Variants in FHIT observed in about 807,000 individuals in gnomAD.
FHIT encodes bis(5'-adenosyl)-triphosphatase.
A neutral mutation model predicts 17.9 loss-of-function variants in FHIT; 19 were observed. That is an observed-to-expected ratio of 1.06 (90% confidence interval 0.74 to 1.56). The LOEUF is 1.56. Among genes scored for constraint, FHIT ranks in the 40% most tolerant of loss-of-function variants. The pLI is 0.00. For synonymous variants in FHIT, 81 were observed against 69.7 expected (o/e 1.16, Z -0.81); for missense variants, 248 against 189.2 (o/e 1.31, Z -1.82).
rs151122507 is a variant in FHIT, at chr3:60,192,430, C to G, written c.104-178278G>C. Among the ~76,000 whole-genome samples the G allele has an allele frequency of 5.7e-3, 874 of 152,118 alleles. 6 individuals carry two copies. Among genetic ancestry groups the G allele is most frequent in the African/African-American group, 0.02 (819 of 41,494 alleles). The stretch of plus-strand genomic sequence containing the variant: ...GTATGGCAGATGCCTTTCATGAAAG[C>G]CAACAGAGACTCATCTCCCTACCTC... On this transcript the variant is annotated intron_variant, in intron 5 of 9. Transcript: ENST00000492590.
chr3:60,424,357 A>G (rs1702585261), intron 5 of FHIT, among the ~76,000 whole-genome samples: 1 of 152,190 alleles, frequency 6.6e-6, no homozygotes, highest in South Asian at 2.1e-4. Context: ...ATGAACTCAC[A>G]TACATCTCAA....
At chr3:60,451,891 G>C (rs943406890) in intron 5 of FHIT, among the ~76,000 whole-genome samples, 3 of 152,070 alleles carry the variant, frequency 2.0e-5, no homozygotes, top group African/African-American at 4.8e-5. Context: ...ATGACTTAAA[G>C]ATACAATCCT....
chr3:60,009,551 T>C (rs1700062534), intron 7 of FHIT, among the ~76,000 whole-genome samples: 1 of 152,064 alleles, frequency 6.6e-6, no homozygotes, highest in African/African-American at 2.4e-5. Flanking sequence ...GTAATTACTA[T>C]TGGAGTTACA....
intron 3 of FHIT, among the ~76,000 whole-genome samples, chr3:61,009,036 T>C (rs1253732620): frequency 2.0e-5 from 3 of 152,168 alleles, no homozygotes; most frequent in Non-Finnish European, 2.9e-5. Flanking sequence ...CCAAGAAACA[T>C]TGCCCAATAA....
intron 5 of FHIT, among the ~76,000 whole-genome samples, chr3:60,209,116 T>C (rs1040628528): frequency 6.6e-6 from 1 of 152,094 alleles, no homozygotes; most frequent in Non-Finnish European, 1.5e-5. Flanking sequence ...AAAAAACAAA[T>C]GCCAAAACAT....
chr3:60,373,442 A>G (rs563013788), intron 5 of FHIT, among the ~76,000 whole-genome samples: 12 of 152,312 alleles, frequency 7.9e-5, no homozygotes, highest in African/African-American at 2.2e-4. Flanking sequence ...GCAAGGCACG[A>G]TAGTGTGAGA....
chr3:59,751,441 C>T (rs1054503943), intron 9 of FHIT: 3 of 200,838 alleles, frequency 1.5e-5, no homozygotes, highest in Non-Finnish European at 3.1e-5. Flanking sequence ...CCAAACATCA[C>T]CCTCAGTCAT....
At chr3:61,045,179 C>G (rs573931442) in intron 2 of FHIT, among the ~76,000 whole-genome samples, 2 of 152,282 alleles carry the variant, frequency 1.3e-5, no homozygotes, top group East Asian at 3.9e-4. Context: ...TTAAAAGACA[C>G]AGACTGGCAA....
chr3:59,875,912 G>T lies in FHIT; in HGVS notation c.348+46434C>A, dbSNP rs190565090. On this transcript the variant is annotated intron_variant, in intron 8 of 9. Transcript: ENST00000492590. ...TTTTTCCCAAGCACATATGCCCTCAGGATGAGAAACAACTCGTCTGTTTGA... is the reference window on the plus strand; with the variant it reads ...TTTTTCCCAAGCACATATGCCCTCATGATGAGAAACAACTCGTCTGTTTGA... Among the ~76,000 whole-genome samples, 41 of 150,026 alleles carry T rather than the reference G, an allele frequency of 2.7e-4. No homozygotes were observed. In the East Asian group the frequency reaches 7.2e-3, roughly 26 times the overall value.
intron 2 of FHIT, among the ~76,000 whole-genome samples, chr3:61,198,112 C>T (rs1410684088): frequency 6.6e-6 from 1 of 152,034 alleles, no homozygotes; most frequent in African/African-American, 2.4e-5. Flanking sequence ...ATCTAGCTCA[C>T]TAATGAATAG....
chr3:60,399,825 C>T (rs539667306), intron 5 of FHIT, among the ~76,000 whole-genome samples: 1 of 152,090 alleles, frequency 6.6e-6, no homozygotes, highest in South Asian at 2.1e-4. Context: ...AAAAATCATG[C>T]CTTCAAAAAG....
chr3:60,492,962 C>T (rs1173960378), intron 5 of FHIT, among the ~76,000 whole-genome samples: 1 of 152,096 alleles, frequency 6.6e-6, no homozygotes, highest in African/African-American at 2.4e-5. Flanking sequence ...GGGCGAGTAA[C>T]TCCCATTCTT....
intron 3 of FHIT, among the ~76,000 whole-genome samples, chr3:61,001,451 C>G (rs2031076760): frequency 1.3e-5 from 2 of 152,070 alleles, no homozygotes; most frequent in South Asian, 4.1e-4. Context: ...TGTGATATAA[C>G]ATAACACGGA....
intron 8 of FHIT, among the ~76,000 whole-genome samples, chr3:59,781,006 GAATAT>G (rs113042876): frequency 4.6e-5 from 7 of 152,040 alleles, no homozygotes; most frequent in African/African-American, 1.2e-4. Flanking sequence ...TTATAAACTA[GAATAT>G]AATACAAATA....
chr3:60,809,623 C>A (rs1472321430), intron 4 of FHIT, among the ~76,000 whole-genome samples: 1 of 152,094 alleles, frequency 6.6e-6, no homozygotes, highest in Non-Finnish European at 1.5e-5. Context: ...TAAGAATCAC[C>A]CAGAGCTCTT....
intron 8 of FHIT, among the ~76,000 whole-genome samples, chr3:59,816,896 G>A (rs1452188348): frequency 4.6e-5 from 7 of 152,168 alleles, no homozygotes; most frequent in Non-Finnish European, 7.3e-5. Context: ...CAAATGAAGT[G>A]ACTGAGACTT....
chr3:60,744,630 T>C (rs1337601638), intron 4 of FHIT, among the ~76,000 whole-genome samples: 1 of 152,186 alleles, frequency 6.6e-6, no homozygotes, highest in Admixed American at 6.5e-5. Context: ...GTGTCCTGCA[T>C]TTTGAACAGT....
intron 4 of FHIT, among the ~76,000 whole-genome samples, chr3:60,718,839 A>T (rs2041745219): frequency 6.6e-6 from 1 of 152,192 alleles, no homozygotes. Context: ...GCCCTTCTGT[A>T]CTAATGTGCA....
At position 60,425,655 on chromosome 3, in the gene FHIT, G is replaced by GA. The variant is rs559236798; in HGVS notation, c.103+111204dup. ...ATGTATTCATCCACTTTTTAAAAGT[G>GA]AAAAATTTTATAAAGCAAGAAACTC... is the stretch of plus-strand genomic sequence containing the variant. On this transcript the variant is annotated intron_variant, in intron 5 of 9. Coordinates refer to ENST00000492590, the MANE Select transcript of FHIT (RefSeq NM_002012.4). Among the ~76,000 whole-genome samples the GA allele has an allele frequency of 2.1e-3, 317 of 152,122 alleles. 1 individual carries two copies. The highest frequency in any genetic ancestry group is 6.8e-3 in the Middle Eastern group (2 of 294).
Sources: allele counts gnomAD v4.1 joint callset (sites outside exome capture counted in the v4.1 genomes callset), GRCh38; gene constraint gnomAD v4.1.1; transcripts MANE v1.5; gene names NCBI Gene and HGNC (gene_info 2026-07-23, HGNC 2026-07-21).